SRRM4: variants seen among roughly 807,000 people sequenced by gnomAD.
SRRM4 encodes serine/arginine repetitive matrix 4.
SRRM4 carries 33 observed loss-of-function variants against 68.9 expected under a neutral mutation model. That is an observed-to-expected ratio of 0.48 (90% CI 0.36 to 0.64). SRRM4 has a LOEUF of 0.64. SRRM4 is among the 30% of genes least tolerant of loss of function. The pLI, the probability that SRRM4 is intolerant of heterozygous loss-of-function variation, is 0.00. For synonymous variants in SRRM4, 318 were observed against 318.8 expected, an observed-to-expected ratio of 1.00 and a Z score of 0.03; for missense variants, 817 against 827.1, an observed-to-expected ratio of 0.99 and a Z score of 0.15.
intron 1 of SRRM4, among the ~76,000 whole-genome samples, chr12:119,049,176 G>T (rs149383476): frequency 6.6e-6 from 1 of 152,186 alleles, no homozygotes; most frequent in Non-Finnish European, 1.5e-5. Context: ...TAGGAAAAGC[G>T]TGGCATTGGA....
intron 1 of SRRM4, among the ~76,000 whole-genome samples, chr12:119,053,679 C>T (rs181386972): frequency 6.5e-4 from 99 of 152,224 alleles, no homozygotes; most frequent in African/African-American, 2.3e-3. Flanking sequence ...AATTTGCACA[C>T]GTGGCATCTC....
In SRRM4 at chr12:119,160,297, C is replaced by CTG. The variant is rs1490393233; in HGVS notation, c.*3500_*3501insGT. On this transcript the variant is annotated 3_prime_UTR_variant, in exon 13 of 13. Coordinates refer to ENST00000267260, the MANE Select transcript of SRRM4 (RefSeq NM_194286.4). ...TCTCTGTCTCTCTCTCTGTCTCTCT[C>CTG]TCTCTCTCTCTCTCTCTCTCTCTCT... is the stretch of plus-strand genomic sequence containing the variant. The CTG allele has an allele frequency of 1.1e-4, 7 of 62,134 alleles. No homozygotes were observed. The highest frequency in any genetic ancestry group is 4.1e-4 in the African/African-American group (7 of 16,890). The allele number at this position is 62,134 out of a possible 1,614,324, so 3.8% of individuals were successfully genotyped here.
At chr12:119,105,408 A>G (rs1954101070) in intron 2 of SRRM4, among the ~76,000 whole-genome samples, 1 of 152,232 alleles carries the variant, frequency 6.6e-6, no homozygotes, top group African/African-American at 2.4e-5. Flanking sequence ...GTCTTCCACA[A>G]TGGATGAACT....
At chr12:119,087,874 T>G (rs527479799) in intron 1 of SRRM4, among the ~76,000 whole-genome samples, 3 of 152,300 alleles carry the variant, frequency 2.0e-5, no homozygotes, top group Non-Finnish European at 4.4e-5. Context: ...GCTCACTGCG[T>G]GTCCTCAGGC....
intron 8 of SRRM4, 115 bp downstream of exon 8, chr12:119,130,949 C>A (rs766495456): frequency 3.5e-5 from 38 of 1,099,914 alleles, no homozygotes; most frequent in Non-Finnish European, 4.0e-5. Flanking sequence ...GACAAAATAT[C>A]CCACTGGCTC....
At chr12:119,043,874 T>C (rs929374313) in intron 1 of SRRM4, among the ~76,000 whole-genome samples, 2 of 151,970 alleles carry the variant, frequency 1.3e-5, no homozygotes, top group Non-Finnish European at 2.9e-5. Context: ...CTTTTGTTTT[T>C]TGTTTTTTGA....
chr12:119,008,694 T>C (rs1953430531), intron 1 of SRRM4, among the ~76,000 whole-genome samples: 1 of 152,136 alleles, frequency 6.6e-6, no homozygotes, highest in African/African-American at 2.4e-5. Flanking sequence ...TGAGAACGCA[T>C]GTTTATCTCC....
chr12:118,987,368 G>A (rs941351215), intron 1 of SRRM4, among the ~76,000 whole-genome samples: 2 of 152,164 alleles, frequency 1.3e-5, no homozygotes, highest in South Asian at 2.1e-4. Context: ...TACCTGGGCT[G>A]CGCTTGTTCA....
At chr12:119,032,060 G>T (rs866879654) in intron 1 of SRRM4, among the ~76,000 whole-genome samples, 3 of 152,074 alleles carry the variant, frequency 2.0e-5, no homozygotes, top group East Asian at 1.9e-4. Context: ...TAGTAATTTT[G>T]TTGTTTCATT....
At chr12:119,120,155 C>T in intron 4 of SRRM4, 95 bp from the exon 5 acceptor site, 1 of 717,440 alleles carries the variant, frequency 1.4e-6, no homozygotes, top group Non-Finnish European at 2.3e-6. Context: ...TTCTCTCCTT[C>T]TCTCCCTCTC....
Position 119,114,116 on chromosome 12 carries a change from T to C in SRRM4, c.279-162T>C, listed in dbSNP as rs964349005. 1.6e-5 allele frequency: 9 copies of C among 546,256 alleles called. No homozygotes were observed. In the Admixed American group the frequency reaches 1.8e-4, roughly 11 times the overall value. 33.8% of individuals were successfully genotyped at this position (546,256 alleles called of 1,614,324 possible). A position where few individuals can be genotyped will look rare whatever the true frequency, so the allele number is the denominator to read the frequency against. ...CGGCATTAAGTCCTTATTTAGGTACTTAGTCTGAAGTGTGACCCAATCAGC... is the reference window on the plus strand; with the variant it reads ...CGGCATTAAGTCCTTATTTAGGTACCTAGTCTGAAGTGTGACCCAATCAGC... On this transcript the variant is annotated intron_variant, in intron 2 of 12. Coordinates refer to ENST00000267260, the MANE Select transcript of SRRM4 (RefSeq NM_194286.4).
At chr12:119,015,680 T>G (rs1239726120) in intron 1 of SRRM4, among the ~76,000 whole-genome samples, 1 of 152,176 alleles carries the variant, frequency 6.6e-6, no homozygotes, top group Non-Finnish European at 1.5e-5. Flanking sequence ...TTAATCAATA[T>G]CCTATTGATT....
At chr12:119,042,822 T>A (rs1465823974) in intron 1 of SRRM4, among the ~76,000 whole-genome samples, 1 of 151,526 alleles carries the variant, frequency 6.6e-6, no homozygotes, top group African/African-American at 2.4e-5. Context: ...AGAGTGACTA[T>A]GAGAGGCATG....
chr12:119,156,861 C>T lies in SRRM4; in HGVS notation c.*63C>T, dbSNP rs1954477325. On this transcript the variant is annotated 3_prime_UTR_variant, in exon 13 of 13. Transcript: ENST00000267260. ...GCTGCCAGCCTCCCCCAACCACCTG[C>T]CCTCCCCGCCTTCTTGGTGACAAAT... 2.1e-6 allele frequency: 3 copies of T among 1,458,240 alleles called. No homozygotes were observed. In the African/African-American group the frequency reaches 4.3e-5, roughly 21 times the overall value. 90.3% of individuals were successfully genotyped at this position (1,458,240 alleles called of 1,614,324 possible). A position where few individuals can be genotyped will look rare whatever the true frequency, so the allele number is the denominator to read the frequency against.
chr12:119,113,190 T>C (rs1259295853), intron 2 of SRRM4, among the ~76,000 whole-genome samples: 1 of 152,212 alleles, frequency 6.6e-6, no homozygotes, highest in Non-Finnish European at 1.5e-5. Context: ...CATTTTATCA[T>C]TCTTTCTACT....
chr12:119,018,641 G>A (rs1259416147), intron 1 of SRRM4, among the ~76,000 whole-genome samples: 1 of 152,126 alleles, frequency 6.6e-6, no homozygotes, highest in Admixed American at 6.6e-5. Context: ...GAGAGGTAGA[G>A]AGAAAAGCAT....
chr12:119,069,469 G>T (rs11610794), intron 1 of SRRM4: 7,526 of 152,236 alleles, frequency 0.049, 259 homozygotes, highest in East Asian at 0.12. Flanking sequence ...GGAGGCCACA[G>T]CATCAGCTGC....
chr12:119,089,232 C>A (rs1953998918), intron 1 of SRRM4, among the ~76,000 whole-genome samples: 1 of 152,152 alleles, frequency 6.6e-6, no homozygotes, highest in Non-Finnish European at 1.5e-5. Flanking sequence ...CACCGCACCA[C>A]CCCAAGTCCT....
In SRRM4 at chr12:119,102,361, T is replaced by C; in HGVS notation, c.257T>C (p.Leu86Pro). 6.2e-7 allele frequency: 1 copy of C among 1,612,818 alleles called. No individual in the cohort carries two copies. Among genetic ancestry groups the C allele is most frequent in the South Asian group, 1.1e-5 (1 of 90,894 alleles). The change falls in exon 2 of 13, where the codon CTG (leucine) becomes CCG (proline). Residue 86 changes from leucine to proline, a missense_variant. Physicochemically the swap from Leu to Pro is moderately conservative, Grantham distance 98. Transcript: ENST00000267260. The stretch of plus-strand genomic sequence containing the variant: ...GAGAGAGACAAGACCTGTCGGGAAC[T>C]GGGTGCCACCAGAGGACACAGGTGA... ...SWERDKTCRE[L>P]GATRGHSASH...
Sources: allele counts gnomAD v4.1 joint callset (sites outside exome capture counted in the v4.1 genomes callset), GRCh38; gene constraint gnomAD v4.1.1; transcripts MANE v1.5; gene names NCBI Gene and HGNC (gene_info 2026-07-23, HGNC 2026-07-21).